Variants in MYO18A observed in about 807,000 individuals in gnomAD.
MYO18A encodes the protein myosin XVIIIA.
Under a neutral mutation model 235.8 loss-of-function variants are expected in MYO18A, and 78 were observed. The ratio of observed to expected loss-of-function variants is 0.33; its 90% CI spans 0.28 to 0.40. The LOEUF is 0.40. Among genes scored for constraint, MYO18A ranks in the 10% least tolerant of loss-of-function variants. The probability of loss-of-function intolerance (pLI) is 1.00; values close to 1 mark genes in which losing one functional copy is unlikely to be tolerated. For missense variants in MYO18A, 2,215 were observed against 2,699.3 expected (o/e 0.82, Z 3.98); for synonymous variants, 977 against 1,077.8 (o/e 0.91, Z 1.83).
At chr17:29,179,415 G>A (rs1448574645) in intron 1 of MYO18A, among the ~76,000 whole-genome samples, 1 of 152,070 alleles carries the variant, frequency 6.6e-6, no homozygotes, top group African/African-American at 2.4e-5. Flanking sequence ...TCGCACCCAG[G>A]AACATGACCC....
At chr17:29,132,794 C>G (rs1192688106) in intron 2 of MYO18A, among the ~76,000 whole-genome samples, 1 of 152,138 alleles carries the variant, frequency 6.6e-6, no homozygotes, top group Non-Finnish European at 1.5e-5. Flanking sequence ...CAGAGTGGAG[C>G]CTACTTCTTT....
At position 29,091,225 on chromosome 17, in the gene MYO18A, T is replaced by C. The variant is rs2066391233; in HGVS notation, c.5188-299A>G. The C allele has an allele frequency of 1.3e-5, 5 of 374,574 alleles. No homozygotes were observed. In the Admixed American group the frequency reaches 2.0e-4, roughly 15 times the overall value. 23.2% of individuals were successfully genotyped at this position (374,574 alleles called of 1,614,324 possible). ...GCAGAAAAGGTCTGCCCAGAACAAA[T>C]GACCCATCATCCTGGCACTATCAGT... On this transcript the variant is annotated intron_variant, in intron 34 of 41. Coordinates refer to ENST00000527372, the MANE Select transcript of MYO18A (RefSeq NM_078471.4).
At position 29,140,424 on chromosome 17, in the gene MYO18A, C is replaced by T; in HGVS notation, c.1000-18171G>A. ...GCTCCGTTAGCAGCTCAAAATAGCA[C>T]AGGCTGTGGCCCCGCCCAGTTCCCG... On this transcript the variant is annotated intron_variant, in intron 2 of 41. Coordinates refer to ENST00000527372, the MANE Select transcript of MYO18A (RefSeq NM_078471.4). The surrounding 1 kb of genome is among the most constrained non-coding windows in gnomAD (Gnocchi z 4.2). The T allele has an allele frequency of 7.8e-7, 1 of 1,274,044 alleles. No homozygotes were observed. Among genetic ancestry groups the T allele is most frequent in the Non-Finnish European group, 1.0e-6 (1 of 981,414 alleles). The allele number at this position is 1,274,044 out of a possible 1,614,324, so 78.9% of individuals were successfully genotyped here.
At position 29,113,985 on chromosome 17, in the gene MYO18A, G is replaced by A. The variant is rs532530919; in HGVS notation, c.2598+26C>T. The A allele has an allele frequency of 2.6e-6, 4 of 1,552,388 alleles. No individual in the cohort carries two copies. In the East Asian group the frequency reaches 9.5e-5, roughly 37 times the overall value. Reference sequence around the variant, plus strand: ...GGGTGGGGAACGAGAGGAAAGGCTTGCCCAAACCCTCTCTGGAGCTCCTAC... The same window carrying A: ...GGGTGGGGAACGAGAGGAAAGGCTTACCCAAACCCTCTCTGGAGCTCCTAC... On this transcript the variant is annotated intron_variant, in intron 15 of 41. Transcript: ENST00000527372.
chr17:29,121,186 C>T lies in MYO18A; in HGVS notation c.1397G>A (p.Arg466Gln), dbSNP rs372515961. ...GATGTGGGGTGCCATGTCCTCCCGC[C>T]GACAACCCTTGAACATGTGCATCAC... ...EKVMHMFKGC[R>Q]REDMAPHIYA... Residue 466 changes from arginine to glutamine, a missense_variant, in exon 6 of 42, where the codon CGG (arginine) becomes CAG (glutamine). Physicochemically the swap from Arg to Gln is conservative, Grantham distance 43. Coordinates refer to ENST00000527372, the MANE Select transcript of MYO18A (RefSeq NM_078471.4). The surrounding 1 kb of genome is among the most constrained non-coding windows in gnomAD (Gnocchi z 4.2). 22 of 1,609,076 alleles carry T rather than the reference C, an allele frequency of 1.4e-5. No homozygotes were observed. The African/African-American group carries it at 2.1e-4, about 16-fold the overall frequency.
intron 41 of MYO18A, chr17:29,080,225 G>T: frequency 1.0e-6 from 1 of 985,986 alleles, no homozygotes; most frequent in Non-Finnish European, 1.2e-6. Context: ...AGGCTGCTCC[G>T]CTGGAATGGA....
chr17:29,111,123 G>A lies in MYO18A; in HGVS notation c.2900+301C>T, dbSNP rs1295344317. On this transcript the variant is annotated intron_variant, in intron 17 of 41. Coordinates refer to ENST00000527372, the MANE Select transcript of MYO18A (RefSeq NM_078471.4). The surrounding 1 kb of genome is among the most constrained non-coding windows in gnomAD (Gnocchi z 5.1). ...AGGTGCCCACTAACCATCTTCTGAA[G>A]AGTAGAACGGATGACAGGGCCCGTG... Among the ~76,000 whole-genome samples the A allele has an allele frequency of 6.6e-6, 1 of 152,188 alleles. No individual in the cohort carries two copies. Among genetic ancestry groups the A allele is most frequent in the African/African-American group, 2.4e-5 (1 of 41,450 alleles).
chr17:29,142,516 G>A (rs1453380171), intron 2 of MYO18A, among the ~76,000 whole-genome samples: 1 of 152,200 alleles, frequency 6.6e-6, no homozygotes, highest in African/African-American at 2.4e-5. Context: ...CAAGTTCTCA[G>A]GCCAGCAGCG....
At chr17:29,160,209 A>G (rs1198472263) in intron 2 of MYO18A, among the ~76,000 whole-genome samples, 1 of 152,234 alleles carries the variant, frequency 6.6e-6, no homozygotes, top group Non-Finnish European at 1.5e-5. Flanking sequence ...GACCCACAAA[A>G]TATACAGAAT....
chr17:29,085,178 C>T (rs2066222566), intron 40 of MYO18A, among the ~76,000 whole-genome samples: 1 of 152,240 alleles, frequency 6.6e-6, no homozygotes. Context: ...ACGCCCGCTT[C>T]TTTCAGGCAG....
At chr17:29,080,274 C>G in intron 41 of MYO18A, 1 of 985,980 alleles carries the variant, frequency 1.0e-6, no homozygotes. Flanking sequence ...CGGCAGCCTC[C>G]AGGTCTGGGT....
intron 2 of MYO18A, among the ~76,000 whole-genome samples, chr17:29,132,590 TG>T (rs1425367491): frequency 6.6e-6 from 1 of 152,086 alleles, no homozygotes; most frequent in Non-Finnish European, 1.5e-5. Context: ...ATGATCCACT[TG>T]GGGGGACTCT....
At chr17:29,136,246 A>ATAT (rs1294513472) in intron 2 of MYO18A, among the ~76,000 whole-genome samples, 1 of 69,734 alleles carries the variant, frequency 1.4e-5, no homozygotes, top group South Asian at 5.3e-4. Flanking sequence ...AAAAAAAAAA[A>ATAT]AAAAATATAT....
chr17:29,134,136 C>T lies in MYO18A; in HGVS notation c.1000-11883G>A, dbSNP rs1345909369. 3.9e-5 allele frequency among the ~76,000 whole-genome samples: 6 copies of T among 152,312 alleles called. No homozygotes were observed. The South Asian group carries it at 1.2e-3, about 32-fold the overall frequency. ...TTATTTTTTGAGATGCAGTCTCACT[C>T]TGTAGGCCAGGCTGAAGTGCAATGG... On this transcript the variant is annotated intron_variant, in intron 2 of 41. Coordinates refer to ENST00000527372, the MANE Select transcript of MYO18A (RefSeq NM_078471.4).
At chr17:29,137,819 T>C (rs967345071) in intron 2 of MYO18A, among the ~76,000 whole-genome samples, 1 of 152,176 alleles carries the variant, frequency 6.6e-6, no homozygotes, top group Non-Finnish European at 1.5e-5. Flanking sequence ...GTGATCATAA[T>C]AATCTTGTAA....
intron 2 of MYO18A, chr17:29,133,842 T>A: frequency 7.8e-7 from 1 of 1,289,366 alleles, no homozygotes. Context: ...GCCATGGCGC[T>A]GAAGGTAACC....
intron 25 of MYO18A, 88 bp downstream of exon 25, chr17:29,098,016 GA>G: frequency 6.3e-7 from 1 of 1,581,526 alleles, no homozygotes; most frequent in Admixed American, 1.7e-5. Flanking sequence ...GGCTAGGGGT[GA>G]AGATGCCAAC....
intron 41 of MYO18A, chr17:29,080,365 G>A (rs1001399779): frequency 1.4e-5 from 14 of 986,216 alleles, no homozygotes; most frequent in Non-Finnish European, 1.6e-5. Context: ...GCGTGGCCGG[G>A]GTGGCACCGA....
At chr17:29,105,058 G>C (rs1017636935) in intron 20 of MYO18A, among the ~76,000 whole-genome samples, 20 of 151,500 alleles carry the variant, frequency 1.3e-4, no homozygotes, top group African/African-American at 4.9e-4. Flanking sequence ...TGTAGTCCCA[G>C]CTACTTGGGA....
Sources: allele counts gnomAD v4.1 joint callset (sites outside exome capture counted in the v4.1 genomes callset), GRCh38; gene constraint gnomAD v4.1.1; non-coding constraint Gnocchi (gnomAD v3.1); transcripts MANE v1.5; gene names NCBI Gene and HGNC (gene_info 2026-07-23, HGNC 2026-07-21).